DIAPH3: variants seen among roughly 807,000 people sequenced by gnomAD.
DIAPH3 encodes diaphanous related formin 3, also known as protein diaphanous homolog 3.
DIAPH3 carries 117 observed loss-of-function variants against 144.3 expected under a neutral mutation model. The observed-to-expected ratio is 0.81, with a 90% CI of 0.70 to 0.95. DIAPH3 has a LOEUF of 0.95. Among genes scored for constraint, DIAPH3 ranks in the 40% least tolerant of loss-of-function variants. DIAPH3 has a pLI of 0.00. For synonymous variants in DIAPH3, 519 were observed against 488.9 expected (o/e 1.06, Z -0.81); for missense variants, 1,421 against 1,412.7 (o/e 1.01, Z -0.09).
chr13:60,047,413 G>A (rs1222303602), intron 4 of DIAPH3, among the ~76,000 whole-genome samples: 1 of 152,164 alleles, frequency 6.6e-6, no homozygotes, highest in African/African-American at 2.4e-5. Context: ...AAAGAACAAA[G>A]TTGGGGAGCT....
intron 12 of DIAPH3, among the ~76,000 whole-genome samples, chr13:59,987,135 C>G (rs1281690055): frequency 2.0e-5 from 3 of 151,790 alleles, no homozygotes; most frequent in African/African-American, 7.3e-5. Flanking sequence ...CCATGGAATA[C>G]TATGCAGCCA....
At chr13:60,027,931 T>C (rs545576272) in intron 5 of DIAPH3, among the ~76,000 whole-genome samples, 2 of 152,276 alleles carry the variant, frequency 1.3e-5, no homozygotes, top group East Asian at 1.9e-4. Flanking sequence ...TAAATACTTG[T>C]CACTACTACC....
At chr13:59,667,580 A>G (rs1207456185) in intron 27 of DIAPH3, among the ~76,000 whole-genome samples, 1 of 152,252 alleles carries the variant, frequency 6.6e-6, no homozygotes, top group Non-Finnish European at 1.5e-5. Flanking sequence ...CTTGGCAAGC[A>G]AATAATTAAA....
intron 3 of DIAPH3, among the ~76,000 whole-genome samples, chr13:60,105,108 A>AAAACAAAC (rs772244378): frequency 8.1e-6 from 1 of 124,040 alleles, no homozygotes. Context: ...TCAAAAAAAA[A>AAAACAAAC]AAAAAAAAAA....
At chr13:59,804,110 C>G (rs1047716617) in intron 25 of DIAPH3, among the ~76,000 whole-genome samples, 11 of 152,140 alleles carry the variant, frequency 7.2e-5, no homozygotes, top group African/African-American at 2.4e-4. Flanking sequence ...AAAAGTTGAC[C>G]TCTGGCAACT....
intron 3 of DIAPH3, among the ~76,000 whole-genome samples, chr13:60,106,901 A>T (rs972943794): frequency 3.3e-5 from 5 of 152,180 alleles, no homozygotes; most frequent in African/African-American, 9.6e-5. Flanking sequence ...CAAATTAACC[A>T]GCCTGCAATC....
chr13:60,042,297 C>T (rs9646034), intron 5 of DIAPH3, among the ~76,000 whole-genome samples: 4,040 of 152,228 alleles, frequency 0.027, 55 homozygotes, highest in Non-Finnish European at 0.044. Flanking sequence ...ACAACGACAT[C>T]ATTTCCAACA....
At chr13:59,860,067 G>A (rs147067) in intron 22 of DIAPH3, among the ~76,000 whole-genome samples, 103,322 of 151,952 alleles carry the variant, frequency 0.68, 36,835 homozygotes, top group East Asian at 0.89. Flanking sequence ...TTTACTTCAA[G>A]GAAACATACA....
chr13:59,818,997 G>C (rs2040924565), intron 24 of DIAPH3, among the ~76,000 whole-genome samples: 1 of 151,510 alleles, frequency 6.6e-6, no homozygotes, highest in African/African-American at 2.4e-5. Context: ...CTGGGGTCTT[G>C]GAGGCCTATA....
intron 14 of DIAPH3, among the ~76,000 whole-genome samples, chr13:59,976,157 C>G (rs1446244957): frequency 6.6e-6 from 1 of 151,832 alleles, no homozygotes; most frequent in Non-Finnish European, 1.5e-5. Flanking sequence ...ATTCTTAAAC[C>G]ACACTCACTT....
At chr13:60,071,187 G>C (rs2057192918) in intron 4 of DIAPH3, among the ~76,000 whole-genome samples, 1 of 152,088 alleles carries the variant, frequency 6.6e-6, no homozygotes, top group Non-Finnish European at 1.5e-5. Flanking sequence ...TTTACAGATT[G>C]AGATTGTTCT....
intron 27 of DIAPH3, among the ~76,000 whole-genome samples, chr13:59,719,861 T>TA (rs1319653798): frequency 1.3e-5 from 2 of 152,146 alleles, no homozygotes; most frequent in African/African-American, 4.8e-5. Flanking sequence ...GGAACCTCCA[T>TA]ACAAGCATCA....
chr13:60,129,265 CCTT>C (rs2059074818), intron 2 of DIAPH3, among the ~76,000 whole-genome samples: 2 of 152,140 alleles, frequency 1.3e-5, no homozygotes, highest in Admixed American at 6.5e-5. Flanking sequence ...ATGAGGAAAA[CCTT>C]CTTCAAAACC....
At chr13:60,062,936 G>A (rs910348550) in intron 4 of DIAPH3, among the ~76,000 whole-genome samples, 14 of 152,332 alleles carry the variant, frequency 9.2e-5, no homozygotes, top group East Asian at 3.9e-4. Context: ...AGTGATCAGC[G>A]TGGTTGTTGC....
chr13:60,032,514 A>G (rs1254879860), intron 5 of DIAPH3, among the ~76,000 whole-genome samples: 1 of 152,214 alleles, frequency 6.6e-6, no homozygotes, highest in Non-Finnish European at 1.5e-5. Context: ...ACCAAGACTT[A>G]CAGCTTGCAC....
chr13:59,745,252 G>A (rs2036643689), intron 27 of DIAPH3, among the ~76,000 whole-genome samples: 1 of 152,044 alleles, frequency 6.6e-6, no homozygotes, highest in African/African-American at 2.4e-5. Flanking sequence ...ACACAGCAGG[G>A]GCCAGTACTA....
At chr13:59,912,231 G>C (rs899417744) in intron 19 of DIAPH3, among the ~76,000 whole-genome samples, 2 of 152,082 alleles carry the variant, frequency 1.3e-5, no homozygotes, top group African/African-American at 4.8e-5. Flanking sequence ...ACTTCACTCA[G>C]GGGGATAAAA....
At chr13:60,024,618 C>T (rs942627465) in intron 5 of DIAPH3, among the ~76,000 whole-genome samples, 3 of 151,958 alleles carry the variant, frequency 2.0e-5, no homozygotes, top group Non-Finnish European at 4.4e-5. Context: ...CATCTATTGT[C>T]TTTTTTCATT....
chr13:60,140,982 T>C (rs2138308471), intron 1 of DIAPH3, among the ~76,000 whole-genome samples: 2 of 152,322 alleles, frequency 1.3e-5, no homozygotes, highest in East Asian at 3.9e-4. Flanking sequence ...TGTGAATTAT[T>C]GATGTTGTCA....
Sources: gnomAD v4.1 joint callset for allele counts (sites outside exome capture counted in the v4.1 genomes callset) on GRCh38, gnomAD v4.1.1 for gene constraint, MANE v1.5 for transcripts, NCBI Gene and HGNC (gene_info 2026-07-23, HGNC 2026-07-21) for gene names.